The following XYLB variants were observed in gnomAD, a reference collection of about 807,000 sequenced individuals.
XYLB encodes the protein xylulokinase, also known as xylulose kinase.
A neutral mutation model predicts 78.7 loss-of-function variants in XYLB; 62 were observed. The ratio of observed to expected loss-of-function variants is 0.79; its 90% CI spans 0.64 to 0.97. The LOEUF (loss-of-function observed/expected upper bound fraction) is 0.97, where lower values mean the gene tolerates loss of function less well. Ranked by LOEUF, XYLB falls within the 50% of genes least tolerant of loss-of-function variation. The pLI, the probability that XYLB is intolerant of heterozygous loss-of-function variation, is 0.00. For synonymous variants in XYLB, 245 were observed against 247.4 expected, an observed-to-expected ratio of 0.99 and a Z score of 0.09; for missense variants, 687 against 676.8, an observed-to-expected ratio of 1.02 and a Z score of -0.17.
intron 8 of XYLB, among the ~76,000 whole-genome samples, chr3:38,369,377 G>T (rs1010033889): frequency 2.0e-5 from 3 of 152,118 alleles, no homozygotes; most frequent in Non-Finnish European, 2.9e-5. Context: ...GTTCCGGGGG[G>T]CATTCCAGAG....
chr3:38,448,424 A>G, the XYLB span, among the ~76,000 whole-genome samples: 1 of 152,208 alleles, frequency 6.6e-6, no homozygotes, highest in Non-Finnish European at 1.5e-5. Flanking sequence ...AAAATTTCTC[A>G]TGTCCTCCAT....
At chr3:38,359,732 C>G (rs1332746130) in intron 2 of XYLB, among the ~76,000 whole-genome samples, 3 of 152,204 alleles carry the variant, frequency 2.0e-5, no homozygotes, top group Non-Finnish European at 4.4e-5. Flanking sequence ...ACTTTCATTT[C>G]TCTTGGCTGG....
At position 38,363,912 on chromosome 3, in the gene XYLB, C is replaced by T. The variant is rs547806252; in HGVS notation, c.291+895C>T. 2.0e-5 allele frequency among the ~76,000 whole-genome samples: 3 copies of T among 152,302 alleles called. No homozygotes were observed. The East Asian group carries it at 5.8e-4, about 29-fold the overall frequency. Reference sequence around the variant, plus strand: ...TTTTCAAATCCTCACTAGGATGTAACTAATTTTTCTGAAGATGCTTCTTCC... The same window carrying T: ...TTTTCAAATCCTCACTAGGATGTAATTAATTTTTCTGAAGATGCTTCTTCC... On this transcript the variant is annotated intron_variant, in intron 4 of 18. Transcript: ENST00000207870.
intron 6 of XYLB, among the ~76,000 whole-genome samples, chr3:38,366,419 C>T (rs1706265767): frequency 6.6e-6 from 1 of 152,204 alleles, no homozygotes; most frequent in South Asian, 2.1e-4. Context: ...AGAAGTTACT[C>T]ACTTCTCTAT....
At position 38,366,746 on chromosome 3, in the gene XYLB, T is replaced by C. The variant is rs1575474452; in HGVS notation, c.508-62T>C. The C allele has an allele frequency of 1.5e-5, 17 of 1,158,800 alleles. 1 individual carries two copies. In the South Asian group the frequency reaches 1.6e-4, roughly 11 times the overall value. 71.8% of individuals were successfully genotyped at this position (1,158,800 alleles called of 1,614,324 possible). A position where few individuals can be genotyped will look rare whatever the true frequency, so the allele number is the denominator to read the frequency against. ...AGCATGCTACATTAAACTCACTTTG[T>C]GGAGGTAATTGTTCATTCTGTGTAG... On this transcript the variant is annotated intron_variant, in intron 6 of 18. Coordinates refer to ENST00000207870, the MANE Select transcript of XYLB (RefSeq NM_005108.4).
At chr3:38,391,407 A>T (rs759687700) in intron 15 of XYLB, among the ~76,000 whole-genome samples, 1 of 152,114 alleles carries the variant, frequency 6.6e-6, no homozygotes, top group Non-Finnish European at 1.5e-5. Context: ...GCATTCCTTT[A>T]AATACATTGT....
rs771335772 is a variant in XYLB at position 38,346,832 on chromosome 3, G to A, written c.-37G>A. On this transcript the variant is annotated 5_prime_UTR_variant, in exon 1 of 19. Coordinates refer to ENST00000207870, the MANE Select transcript of XYLB (RefSeq NM_005108.4). ...CGACTATCACGCCGCGTGGCGGACG[G>A]ACGGACTGACGGACGCGCAGCCTTA... The A allele has an allele frequency of 1.3e-6, 2 of 1,481,778 alleles. No homozygotes were observed. The highest frequency in any genetic ancestry group is 9.0e-7 in the Non-Finnish European group (1 of 1,115,842). 91.8% of individuals were successfully genotyped at this position (1,481,778 alleles called of 1,614,324 possible).
the XYLB span, among the ~76,000 whole-genome samples, chr3:38,433,016 G>C: frequency 1.4e-4 from 21 of 152,226 alleles, no homozygotes; most frequent in Admixed American, 1.3e-4. Flanking sequence ...TGCTGCCCTA[G>C]CAGAGTTTCA....
chr3:38,396,480 A>G (rs1242111608), intron 16 of XYLB, among the ~76,000 whole-genome samples: 1 of 152,196 alleles, frequency 6.6e-6, no homozygotes, highest in Non-Finnish European at 1.5e-5. Flanking sequence ...GCTGCAAGCC[A>G]TTAGTAGCCA....
chr3:38,362,579 T>C (rs1440490515), intron 3 of XYLB, among the ~76,000 whole-genome samples: 1 of 152,150 alleles, frequency 6.6e-6, no homozygotes, highest in African/African-American at 2.4e-5. Flanking sequence ...GAAGGATCAC[T>C]TGGGCCTGGG....
At chr3:38,348,136 G>A (rs1705169639) in intron 1 of XYLB, among the ~76,000 whole-genome samples, 1 of 152,196 alleles carries the variant, frequency 6.6e-6, no homozygotes, top group Non-Finnish European at 1.5e-5. Context: ...CCATGGCCTT[G>A]CCTGGTCTCA....
chr3:38,374,396 C>A, intron 10 of XYLB, 66 bp from the exon 11 acceptor site: 1 of 1,612,138 alleles, frequency 6.2e-7, no homozygotes, highest in Admixed American at 1.7e-5. Context: ...CCTGGAGAGC[C>A]CTGTGGTTTG....
At position 38,362,372 on chromosome 3, in the gene XYLB, G is replaced by C. The variant is rs183601485; in HGVS notation, c.211-565G>C. Among the ~76,000 whole-genome samples the C allele has an allele frequency of 4.3e-3, 648 of 152,212 alleles. 4 individuals carry two copies. The highest frequency in any genetic ancestry group is 5.3e-3 in the Non-Finnish European group (358 of 68,010). Reference sequence around the variant, plus strand: ...CCCTCCTCAGCCTCCTGAGTAGCTGGGATTACAGGCTCATGCCACCACACC... The same window carrying C: ...CCCTCCTCAGCCTCCTGAGTAGCTGCGATTACAGGCTCATGCCACCACACC... On this transcript the variant is annotated intron_variant, in intron 3 of 18. Coordinates refer to ENST00000207870, the MANE Select transcript of XYLB (RefSeq NM_005108.4).
At chr3:38,426,537 A>G in the XYLB span, among the ~76,000 whole-genome samples, 2 of 152,240 alleles carry the variant, frequency 1.3e-5, no homozygotes, top group Admixed American at 1.3e-4. Flanking sequence ...ATTAGCAGCT[A>G]TTAACCCATT....
chr3:38,402,479 T>C (rs1708158745), intron 18 of XYLB, among the ~76,000 whole-genome samples: 2 of 152,152 alleles, frequency 1.3e-5, no homozygotes, highest in African/African-American at 4.8e-5. Flanking sequence ...TGCCCAAGCA[T>C]CTGTAATTTT....
At chr3:38,431,717 C>T in the XYLB span, among the ~76,000 whole-genome samples, 4 of 152,208 alleles carry the variant, frequency 2.6e-5, no homozygotes, top group Middle Eastern at 3.4e-3. Context: ...TTAATTGACT[C>T]ATGTTTCCCC....
intron 2 of XYLB, among the ~76,000 whole-genome samples, chr3:38,351,807 C>G (rs949180169): frequency 7.2e-5 from 11 of 152,152 alleles, no homozygotes; most frequent in Non-Finnish European, 1.6e-4. Context: ...AATTTTACAT[C>G]ACAGTTTTGA....
downstream of XYLB, among the ~76,000 whole-genome samples, chr3:38,424,514 G>C (rs189713337): frequency 1.7e-3 from 264 of 152,288 alleles, no homozygotes; most frequent in African/African-American, 6.1e-3. Context: ...ATTCTCCCTA[G>C]AATAACTAAA....
At chr3:38,405,743 G>A (rs1194782816) in intron 18 of XYLB, among the ~76,000 whole-genome samples, 2 of 152,264 alleles carry the variant, frequency 1.3e-5, no homozygotes, top group Non-Finnish European at 2.9e-5. Flanking sequence ...TCCCGCACCT[G>A]GCTCAGAGGG....
Sources: gnomAD v4.1 joint callset for allele counts (sites outside exome capture counted in the v4.1 genomes callset) on GRCh38, gnomAD v4.1.1 for gene constraint, MANE v1.5 for transcripts, NCBI Gene and HGNC (gene_info 2026-07-23, HGNC 2026-07-21) for gene names.